Variants in PLPPR1 observed in about 807,000 individuals in gnomAD.
PLPPR1 encodes the protein phospholipid phosphatase related 1, also known as phospholipid phosphatase-related protein type 1.
PLPPR1 carries 10 observed loss-of-function variants against 33.1 expected under a neutral mutation model. The observed-to-expected ratio is 0.30, with a 90% CI of 0.19 to 0.51. The LOEUF (loss-of-function observed/expected upper bound fraction) is 0.51, where lower values mean the gene tolerates loss of function less well. PLPPR1 is among the 20% of genes least tolerant of loss of function. The pLI is 0.97. For synonymous variants in PLPPR1, 151 were observed against 151.0 expected (o/e 1.00, Z 0.00); for missense variants, 304 against 408.1 (o/e 0.74, Z 2.20).
intron 1 of PLPPR1, among the ~76,000 whole-genome samples, chr9:101,036,621 G>A (rs150832168): frequency 6.6e-6 from 1 of 150,844 alleles, no homozygotes; most frequent in African/African-American, 2.4e-5. Context: ...TGGCACTGCT[G>A]GCCTGTTTTG....
chr9:101,263,862 A>G (rs1313077279), intron 2 of PLPPR1, among the ~76,000 whole-genome samples: 1 of 152,280 alleles, frequency 6.6e-6, no homozygotes, highest in East Asian at 1.9e-4. Flanking sequence ...GACATGCACA[A>G]TATAACATTA....
At chr9:101,219,888 G>A (rs535669536) in intron 2 of PLPPR1, among the ~76,000 whole-genome samples, 1 of 152,184 alleles carries the variant, frequency 6.6e-6, no homozygotes, top group South Asian at 2.1e-4. Context: ...GAGAGCCAGG[G>A]AATCCCTTTG....
chr9:101,137,464 C>T (rs1027220474), intron 1 of PLPPR1, among the ~76,000 whole-genome samples: 16 of 152,160 alleles, frequency 1.1e-4, no homozygotes, highest in African/African-American at 3.9e-4. Context: ...GTTAGGGACA[C>T]TGATAGCCCA....
At chr9:101,301,805 T>G (rs919123066) in intron 4 of PLPPR1, among the ~76,000 whole-genome samples, 5 of 152,228 alleles carry the variant, frequency 3.3e-5, no homozygotes, top group African/African-American at 1.2e-4. Flanking sequence ...TGATGACATA[T>G]CATAGATATT....
At chr9:101,310,790 A>C (rs957159502) in intron 5 of PLPPR1, among the ~76,000 whole-genome samples, 4 of 152,222 alleles carry the variant, frequency 2.6e-5, no homozygotes, top group African/African-American at 9.6e-5. Flanking sequence ...TCACATCGAT[A>C]GGGTTATTTT....
chr9:101,044,767 C>G (rs187792940), intron 1 of PLPPR1, among the ~76,000 whole-genome samples: 1 of 152,150 alleles, frequency 6.6e-6, no homozygotes, highest in East Asian at 1.9e-4. Context: ...TATAAATCAC[C>G]CTAGGATCAG....
chr9:101,100,207 A>G (rs572131708), intron 1 of PLPPR1, among the ~76,000 whole-genome samples: 2 of 152,138 alleles, frequency 1.3e-5, no homozygotes, highest in African/African-American at 4.8e-5. Flanking sequence ...CAAAGTAGAA[A>G]GATAAAAAGG....
chr9:101,124,063 AT>A (rs1831211909), intron 1 of PLPPR1, among the ~76,000 whole-genome samples: 1 of 152,150 alleles, frequency 6.6e-6, no homozygotes, highest in African/African-American at 2.4e-5. Context: ...TACTATCATT[AT>A]TACTAGCTAT....
At chr9:101,264,044 T>C (rs1209124796) in intron 2 of PLPPR1, among the ~76,000 whole-genome samples, 1 of 152,184 alleles carries the variant, frequency 6.6e-6, no homozygotes. Flanking sequence ...TGTCAATTTA[T>C]GTGCTTCCCC....
At chr9:101,035,061 C>T (rs1829993315) in intron 1 of PLPPR1, among the ~76,000 whole-genome samples, 1 of 152,160 alleles carries the variant, frequency 6.6e-6, no homozygotes, top group African/African-American at 2.4e-5. Flanking sequence ...GGCTCATAGG[C>T]ATCAGACAAC....
At chr9:101,132,274 T>C (rs1463771829) in intron 1 of PLPPR1, among the ~76,000 whole-genome samples, 1 of 152,202 alleles carries the variant, frequency 6.6e-6, no homozygotes. Flanking sequence ...CCTACGATAC[T>C]TGAGTTTATC....
At chr9:101,094,479 C>T (rs1385739557) in intron 1 of PLPPR1, among the ~76,000 whole-genome samples, 1 of 152,166 alleles carries the variant, frequency 6.6e-6, no homozygotes, top group Non-Finnish European at 1.5e-5. Context: ...CATAATTAGG[C>T]ATTCTTTCCT....
Position 101,195,966 on chromosome 9 carries a change from A to C in PLPPR1, c.63+10409A>C, listed in dbSNP as rs574373474. 9.8e-5 allele frequency among the ~76,000 whole-genome samples: 15 copies of C among 152,364 alleles called. No individual in the cohort carries two copies. The East Asian group carries it at 2.7e-3, about 27-fold the overall frequency. Reference sequence around the variant, plus strand: ...TAATGGCAGACTCTGAAGTGAACATACTATATTTGTAAGAACTATAAAAGA... The same window carrying C: ...TAATGGCAGACTCTGAAGTGAACATCCTATATTTGTAAGAACTATAAAAGA... On this transcript the variant is annotated intron_variant, in intron 2 of 7. Coordinates refer to ENST00000374874, the MANE Select transcript of PLPPR1 (RefSeq NM_207299.2).
chr9:101,270,773 G>T (rs954664581), intron 3 of PLPPR1, among the ~76,000 whole-genome samples: 7 of 152,112 alleles, frequency 4.6e-5, no homozygotes, highest in Admixed American at 1.3e-4. Flanking sequence ...TTTTTAAAAT[G>T]ATATTTGGGG....
chr9:101,209,696 T>G (rs1826655672), intron 2 of PLPPR1, among the ~76,000 whole-genome samples: 1 of 152,256 alleles, frequency 6.6e-6, no homozygotes, highest in African/African-American at 2.4e-5. Context: ...AACTATTTGA[T>G]TTCCACATCA....
At chr9:101,225,514 C>T (rs1040887928) in intron 2 of PLPPR1, among the ~76,000 whole-genome samples, 1 of 152,156 alleles carries the variant, frequency 6.6e-6, no homozygotes, top group Non-Finnish European at 1.5e-5. Flanking sequence ...CCCATAAACT[C>T]CTGTTTCCCA....
chr9:101,098,464 C>A (rs1830850138), intron 1 of PLPPR1, among the ~76,000 whole-genome samples: 1 of 151,998 alleles, frequency 6.6e-6, no homozygotes, highest in Non-Finnish European at 1.5e-5. Context: ...TAGTTCAGGT[C>A]AAAGACAGAA....
chr9:101,317,377 G>A lies in PLPPR1; in HGVS notation c.826G>A (p.Val276Ile). 1 of 1,613,912 alleles carries A rather than the reference G, an allele frequency of 6.2e-7. No individual in the cohort carries two copies. The highest frequency in any genetic ancestry group is 8.5e-7 in the Non-Finnish European group (1 of 1,179,920). ...CCTCATCCTGCAGGGAATGTGTGTG[G>A]TTCATAACTTTAAAGGAACGCAAGG... The part of the protein sequence containing the change: ...AVALFLGMCV[V>I]HNFKGTQGSP... Residue 276 changes from valine (V) to isoleucine (I), a missense_variant, in exon 7 of 8, where the codon GTT becomes ATT. Coordinates refer to ENST00000374874, the MANE Select transcript of PLPPR1 (RefSeq NM_207299.2).
At chr9:101,265,859 G>T (rs761172491) in intron 2 of PLPPR1, among the ~76,000 whole-genome samples, 1 of 152,062 alleles carries the variant, frequency 6.6e-6, no homozygotes, top group Non-Finnish European at 1.5e-5. Flanking sequence ...AGCTGGGTGC[G>T]GTGGTGTGCG....
Sources: gnomAD v4.1 joint callset for allele counts (sites outside exome capture counted in the v4.1 genomes callset) on GRCh38, gnomAD v4.1.1 for gene constraint, MANE v1.5 for transcripts, NCBI Gene and HGNC (gene_info 2026-07-23, HGNC 2026-07-21) for gene names.